ZNF680: variants seen among roughly 807,000 people sequenced by gnomAD.
ZNF680 encodes the protein hypothetical protein FLJ90430.
Under a neutral mutation model 12.1 loss-of-function variants are expected in ZNF680, and 6 were observed. That is an observed-to-expected ratio of 0.49 (90% confidence interval 0.27 to 0.98). The LOEUF (loss-of-function observed/expected upper bound fraction) is 0.98, where lower values mean the gene tolerates loss of function less well. Ranked by LOEUF, ZNF680 falls within the 50% of genes least tolerant of loss-of-function variation. The probability of loss-of-function intolerance (pLI) is 0.12; values close to 1 mark genes in which losing one functional copy is unlikely to be tolerated. For missense variants in ZNF680, 561 were observed against 616.3 expected, an observed-to-expected ratio of 0.91 and a Z score of 0.95; for synonymous variants, 170 against 199.3, an observed-to-expected ratio of 0.85 and a Z score of 1.24.
chr7:64,553,644 T>G (rs1787203699), intron 1 of ZNF680, among the ~76,000 whole-genome samples: 1 of 152,240 alleles, frequency 6.6e-6, no homozygotes, highest in Admixed American at 6.5e-5. Context: ...AAGCCGAGGC[T>G]GGACTGTACT....
At chr7:64,531,297 G>A (rs1222687848) in intron 3 of ZNF680, among the ~76,000 whole-genome samples, 1 of 151,952 alleles carries the variant, frequency 6.6e-6, no homozygotes, top group Non-Finnish European at 1.5e-5. Context: ...GACTACAGTG[G>A]AATAAAACTA....
chr7:64,562,274 T>C (rs1053117864), intron 1 of ZNF680, among the ~76,000 whole-genome samples: 2 of 152,134 alleles, frequency 1.3e-5, no homozygotes, highest in African/African-American at 4.8e-5. Context: ...CATTGTTTTT[T>C]GTAAAGTATT....
intron 1 of ZNF680, among the ~76,000 whole-genome samples, chr7:64,551,186 T>A (rs1329310880): frequency 6.6e-6 from 1 of 152,206 alleles, no homozygotes; most frequent in African/African-American, 2.4e-5. Context: ...CAAAATAAAC[T>A]TTTAAGATCT....
At chr7:64,501,869 A>C in the ZNF680 span, 1 of 512,736 alleles carries the variant, frequency 2.0e-6, no homozygotes, top group South Asian at 1.8e-5. Context: ...GTTAATTCAT[A>C]TTGCCCTGCA....
chr7:64,539,656 T>A (rs1040054385), intron 3 of ZNF680, among the ~76,000 whole-genome samples: 1 of 152,166 alleles, frequency 6.6e-6, no homozygotes, highest in South Asian at 2.1e-4. Flanking sequence ...GCTCGAAATG[T>A]ACAACTTTTA....
rs570854667 is a variant in ZNF680 at position 64,533,826 on chromosome 7, C to T, written c.253+9881G>A. On this transcript the variant is annotated intron_variant, in intron 3 of 3. Coordinates refer to ENST00000309683, the MANE Select transcript of ZNF680 (RefSeq NM_178558.5). The stretch of plus-strand genomic sequence containing the variant: ...CTATTATAAAAATCGGCACATAGAA[C>T]AACGGAACAGAATAGCGAACCCAGA... Among the ~76,000 whole-genome samples the T allele has an allele frequency of 8.5e-4, 129 of 152,216 alleles. 1 individual carries two copies. Among genetic ancestry groups the T allele is most frequent in the Non-Finnish European group, 1.6e-3 (110 of 68,020 alleles).
rs760384045 is a variant in ZNF680 at position 64,521,960 on chromosome 7, G to A, written c.794C>T (p.Pro265Leu). ...KHKKIHIEEK[P>L]FKCEECGKAF... ...TTTGCCACATTCTTCACATTTGAAG[G>A]GTTTCTCTTCAATATGAATTTTCTT... is the stretch of plus-strand genomic sequence containing the variant. The change falls in exon 4 of 4, where the codon CCC becomes CTC. Residue 265 changes from proline (P) to leucine (L), a missense_variant. Pro to Leu is a moderately conservative substitution (Grantham distance 98). Coordinates refer to ENST00000309683, the MANE Select transcript of ZNF680 (RefSeq NM_178558.5). 1.2e-6 allele frequency: 2 copies of A among 1,612,416 alleles called. No individual in the cohort carries two copies. Among genetic ancestry groups the A allele is most frequent in the Admixed American group, 3.3e-5 (2 of 59,826 alleles).
intron 3 of ZNF680, among the ~76,000 whole-genome samples, chr7:64,537,110 C>A (rs1265508805): frequency 6.6e-6 from 1 of 152,262 alleles, no homozygotes; most frequent in Middle Eastern, 3.4e-3. Flanking sequence ...CAAAATCATA[C>A]ACTGTGTGTT....
intron 1 of ZNF680, among the ~76,000 whole-genome samples, chr7:64,557,538 G>GAGCA (rs1476422339): frequency 2.0e-5 from 3 of 151,090 alleles, no homozygotes; most frequent in African/African-American, 4.9e-5. Context: ...CTGGGTGACA[G>GAGCA]AGCAAGGGTC....
chr7:64,517,484 C>T (rs1002065758), downstream of ZNF680, among the ~76,000 whole-genome samples: 2 of 151,988 alleles, frequency 1.3e-5, no homozygotes, highest in African/African-American at 4.8e-5. Context: ...AAGTCCAAGA[C>T]CAGACAGACT....
intron 3 of ZNF680, among the ~76,000 whole-genome samples, chr7:64,532,672 T>C (rs541794998): frequency 4.4e-4 from 67 of 152,312 alleles, no homozygotes; most frequent in African/African-American, 1.5e-3. Context: ...TAATTCATTC[T>C]ATGAAGCCAA....
At chr7:64,523,695 C>T (rs374914020) in intron 3 of ZNF680, among the ~76,000 whole-genome samples, 1 of 151,870 alleles carries the variant, frequency 6.6e-6, no homozygotes, top group East Asian at 1.9e-4. Context: ...GGGCGGATCA[C>T]GAGGTCAGAA....
At chr7:64,553,874 C>T (rs1169262189) in intron 1 of ZNF680, among the ~76,000 whole-genome samples, 2 of 152,188 alleles carry the variant, frequency 1.3e-5, no homozygotes, top group African/African-American at 4.8e-5. Context: ...GACGGAGTCT[C>T]GCTCACTCAG....
At chr7:64,533,112 GAC>G (rs1785975307) in intron 3 of ZNF680, among the ~76,000 whole-genome samples, 1 of 152,192 alleles carries the variant, frequency 6.6e-6, no homozygotes, top group South Asian at 2.1e-4. Context: ...ACTGGAACAA[GAC>G]AAGGATACCC....
intron 3 of ZNF680, among the ~76,000 whole-genome samples, chr7:64,535,397 A>G (rs1159835309): frequency 7.1e-6 from 1 of 140,230 alleles, no homozygotes; most frequent in East Asian, 2.5e-4. Context: ...GAAGGAAGGA[A>G]GGAAAGAAGG....
the ZNF680 span, chr7:64,501,747 G>C: frequency 1.1e-6 from 1 of 878,200 alleles, no homozygotes; most frequent in Middle Eastern, 3.3e-4. Flanking sequence ...GTGGGGGTTA[G>C]AAATCTTATC....
the ZNF680 span, among the ~76,000 whole-genome samples, chr7:64,507,189 A>G: frequency 2.0e-5 from 3 of 152,240 alleles, no homozygotes; most frequent in African/African-American, 7.2e-5. Flanking sequence ...AGCCAGACAC[A>G]GAAAAACAAA....
chr7:64,543,232 AT>A (rs2116487086), intron 3 of ZNF680, among the ~76,000 whole-genome samples: 1 of 152,308 alleles, frequency 6.6e-6, no homozygotes, highest in South Asian at 2.1e-4. Context: ...ATTATACTTT[AT>A]AATTTCGAAC....
chr7:64,532,464 A>G (rs562670303), intron 3 of ZNF680, among the ~76,000 whole-genome samples: 1 of 152,280 alleles, frequency 6.6e-6, no homozygotes, highest in East Asian at 1.9e-4. Context: ...AGATGAATAA[A>G]TTCCTGTAAA....
Sources: gnomAD v4.1 joint callset for allele counts (sites outside exome capture counted in the v4.1 genomes callset) on GRCh38, gnomAD v4.1.1 for gene constraint, MANE v1.5 for transcripts, NCBI Gene and HGNC (gene_info 2026-07-23, HGNC 2026-07-21) for gene names.